Variants in FRMD4A observed in about 807,000 individuals in gnomAD.
FRMD4A encodes FERM domain-containing protein 4A.
Under a neutral mutation model 129.1 loss-of-function variants are expected in FRMD4A, and 29 were observed. The ratio of observed to expected loss-of-function variants is 0.22; its 90% CI spans 0.17 to 0.31. FRMD4A has a LOEUF of 0.31. FRMD4A is among the 10% of genes least tolerant of loss of function. The pLI is 1.00. For synonymous variants in FRMD4A, 634 were observed against 571.6 expected (o/e 1.11, Z -1.56); for missense variants, 1,272 against 1,375.8 (o/e 0.92, Z 1.19).
At chr10:13,878,867 T>A (rs1233081736) in intron 2 of FRMD4A, among the ~76,000 whole-genome samples, 2 of 125,300 alleles carry the variant, frequency 1.6e-5, no homozygotes, top group African/African-American at 6.4e-5. Flanking sequence ...TGGAAATGAG[T>A]CTGTGACTAG....
At chr10:13,935,093 G>A (rs1295260621) in intron 2 of FRMD4A, among the ~76,000 whole-genome samples, 2 of 152,016 alleles carry the variant, frequency 1.3e-5, no homozygotes, top group Non-Finnish European at 2.9e-5. Context: ...AAACATTTAG[G>A]CCATAAAACC....
chr10:14,113,367 C>T (rs1838025850), intron 2 of FRMD4A, among the ~76,000 whole-genome samples: 1 of 152,156 alleles, frequency 6.6e-6, no homozygotes, highest in South Asian at 2.1e-4. Context: ...GACCCACTTC[C>T]ACCTAATGAG....
rs759972572 is a variant in FRMD4A at position 13,645,708 on chromosome 10, ATCTT to A, written c.*1326_*1329del. On this transcript the variant is annotated 3_prime_UTR_variant, in exon 25 of 25. Transcript: ENST00000357447. ...GTTGGCTAGTAGACACACGAGTCAA[ATCTT>A]TCTACCTAAGGGCATAGTTGGGTTC... 2 of 152,492 alleles carry A rather than the reference ATCTT, an allele frequency of 1.3e-5. No homozygotes were observed. Among genetic ancestry groups the A allele is most frequent in the South Asian group, 4.1e-4 (2 of 4,826 alleles). 9.4% of individuals were successfully genotyped at this position (152,492 alleles called of 1,614,324 possible).
rs1257684838 is a variant in FRMD4A at position 13,874,920 on chromosome 10, A to G, written c.46-16008T>C. Among the ~76,000 whole-genome samples the G allele has an allele frequency of 2.6e-5, 4 of 152,188 alleles. No homozygotes were observed. The East Asian group carries it at 7.7e-4, about 29-fold the overall frequency. On this transcript the variant is annotated intron_variant, in intron 2 of 24. Transcript: ENST00000357447. ...TTCTGTAGAGGAAATACCCAAGTTA[A>G]CAGGCTGTTGCAGAGTGATCAGTGT...
At chr10:14,149,528 G>A (rs1840239402) in intron 2 of FRMD4A, among the ~76,000 whole-genome samples, 1 of 151,200 alleles carries the variant, frequency 6.6e-6, no homozygotes, top group Admixed American at 6.6e-5. Flanking sequence ...TTGTAGAGAT[G>A]GGGTCCCACT....
In FRMD4A at chr10:14,305,899, A is replaced by T. The variant is rs531427568; in HGVS notation, c.45+24159T>A. Reference sequence around the variant, plus strand: ...AGAAAATCAAATACTGCATATTCTCACTTATAAGTGGGAGCTGAATTATGA... The same window carrying T: ...AGAAAATCAAATACTGCATATTCTCTCTTATAAGTGGGAGCTGAATTATGA... On this transcript the variant is annotated intron_variant, in intron 2 of 24. Transcript: ENST00000357447. Among the ~76,000 whole-genome samples, 329 of 152,290 alleles carry T rather than the reference A, an allele frequency of 2.2e-3. 4 individuals carry two copies. The highest frequency in any genetic ancestry group is 5.3e-4 in the Non-Finnish European group (36 of 68,034).
intron 2 of FRMD4A, chr10:13,891,704 G>T (rs1270510759): frequency 5.1e-6 from 5 of 984,878 alleles, no homozygotes; most frequent in Non-Finnish European, 6.0e-6. Context: ...CGTCCCATTC[G>T]CCCGGGCGAA....
At chr10:14,165,412 T>C (rs1338047424) in intron 2 of FRMD4A, among the ~76,000 whole-genome samples, 1 of 152,198 alleles carries the variant, frequency 6.6e-6, no homozygotes, top group Non-Finnish European at 1.5e-5. Flanking sequence ...ACACTGTTAG[T>C]GGGAAAGTGT....
rs113183015 is a variant in FRMD4A at position 14,187,654 on chromosome 10, G to A, written c.45+142404C>T. The stretch of plus-strand genomic sequence containing the variant: ...AATAAGCTGAGCACCAGTGGCATGC[G>A]CCTGTGGTCCCAGCAACTTGGGAGG... On this transcript the variant is annotated intron_variant, in intron 2 of 24. Transcript: ENST00000357447. Among the ~76,000 whole-genome samples, 1,253 of 152,288 alleles carry A rather than the reference G, an allele frequency of 8.2e-3. 15 individuals carry two copies. The highest frequency in any genetic ancestry group is 0.028 in the African/African-American group (1,174 of 41,548).
chr10:13,809,549 G>A (rs970609424), intron 4 of FRMD4A, among the ~76,000 whole-genome samples: 6 of 152,106 alleles, frequency 3.9e-5, no homozygotes, highest in South Asian at 2.1e-4. Context: ...GTCCTTCCCC[G>A]CACAGCCCTG....
intron 2 of FRMD4A, chr10:13,972,089 A>T (rs2095521985): frequency 8.9e-7 from 1 of 1,122,534 alleles, no homozygotes; most frequent in South Asian, 2.3e-5. Flanking sequence ...GGTAAAAATA[A>T]ACCTCAGTGT....
chr10:13,699,348 A>T (rs1035496784), intron 14 of FRMD4A, among the ~76,000 whole-genome samples: 7 of 149,820 alleles, frequency 4.7e-5, no homozygotes, highest in Non-Finnish European at 8.8e-5. Context: ...AAGTACTGAG[A>T]TTACAGGCGT....
At chr10:14,054,823 A>G (rs954916886) in intron 2 of FRMD4A, among the ~76,000 whole-genome samples, 2 of 152,154 alleles carry the variant, frequency 1.3e-5, no homozygotes, top group African/African-American at 4.8e-5. Context: ...TGTGATAGTA[A>G]GTCTCATGAG....
At position 14,009,619 on chromosome 10, in the gene FRMD4A, C is replaced by A. The variant is rs576801103; in HGVS notation, c.46-150707G>T. On this transcript the variant is annotated intron_variant, in intron 2 of 24. Transcript: ENST00000357447. The stretch of plus-strand genomic sequence containing the variant: ...GAGAAAATGAATCAGAAGAAAGAGG[C>A]GAAGGGTGCCACGGCGGCGGCAGCA... 2.6e-5 allele frequency among the ~76,000 whole-genome samples: 4 copies of A among 152,162 alleles called. No individual in the cohort carries two copies. The East Asian group carries it at 7.7e-4, about 29-fold the overall frequency.
chr10:13,697,202 G>A (rs1327919690), intron 14 of FRMD4A, among the ~76,000 whole-genome samples: 5 of 150,586 alleles, frequency 3.3e-5, no homozygotes, highest in Non-Finnish European at 5.9e-5. Context: ...TGCCTAGGCT[G>A]GGGGAGTGCG....
chr10:14,317,839 A>G (rs966136482), intron 2 of FRMD4A, among the ~76,000 whole-genome samples: 8 of 151,876 alleles, frequency 5.3e-5, no homozygotes, highest in Non-Finnish European at 1.0e-4. Flanking sequence ...ATAGTCACAG[A>G]TTTTACTCTG....
intron 2 of FRMD4A, among the ~76,000 whole-genome samples, chr10:13,884,216 A>ACTCACACACTCT (rs1554956601): frequency 1.7e-4 from 21 of 125,712 alleles, no homozygotes; most frequent in African/African-American, 4.7e-4. Flanking sequence ...ACTCACACAC[A>ACTCACACACTCT]CACACACACA....
chr10:13,752,972 G>A (rs755533843), intron 8 of FRMD4A, among the ~76,000 whole-genome samples: 1 of 152,116 alleles, frequency 6.6e-6, no homozygotes, highest in Non-Finnish European at 1.5e-5. Context: ...CCAGGGTGTC[G>A]TACAAGCCCT....
intron 2 of FRMD4A, among the ~76,000 whole-genome samples, chr10:14,041,770 G>A (rs953863947): frequency 1.3e-5 from 2 of 152,202 alleles, no homozygotes; most frequent in African/African-American, 4.8e-5. Context: ...CAACAGCATG[G>A]ATCAATCTTA....
Sources: gnomAD v4.1 joint callset for allele counts (sites outside exome capture counted in the v4.1 genomes callset) on GRCh38, gnomAD v4.1.1 for gene constraint, MANE v1.5 for transcripts, NCBI Gene and HGNC (gene_info 2026-07-23, HGNC 2026-07-21) for gene names.